The following KCNT1 variants were observed in gnomAD, a reference collection of about 807,000 sequenced individuals.
The protein encoded by KCNT1 is potassium sodium-activated channel subfamily T member 1, also known as potassium channel subfamily T member 1.
KCNT1 carries 78 observed loss-of-function variants against 147.8 expected under a neutral mutation model. The ratio of observed to expected loss-of-function variants is 0.53; its 90% CI spans 0.44 to 0.64. The LOEUF (loss-of-function observed/expected upper bound fraction) is 0.64. Among genes scored for constraint, KCNT1 ranks in the 30% least tolerant of loss-of-function variants. KCNT1 has a pLI of 0.00. For missense variants in KCNT1, 1,419 were observed against 1,750.3 expected, an observed-to-expected ratio of 0.81 and a Z score of 3.38; for synonymous variants, 867 against 748.8, an observed-to-expected ratio of 1.16 and a Z score of -2.58.
intron 1 of KCNT1, among the ~76,000 whole-genome samples, chr9:135,705,499 G>A (rs1835215443): frequency 6.6e-6 from 1 of 152,226 alleles, no homozygotes; most frequent in African/African-American, 2.4e-5. Context: ...GGATGTGTGG[G>A]GCCCGCCAGC....
chr9:135,740,115 G>A (rs979510290), intron 2 of KCNT1, among the ~76,000 whole-genome samples: 3 of 152,124 alleles, frequency 2.0e-5, no homozygotes, highest in African/African-American at 7.2e-5. Context: ...CCAGTTTTGT[G>A]GGATTAGGGC....
chr9:135,776,441 A>T (rs961030640), intron 20 of KCNT1, among the ~76,000 whole-genome samples: 5 of 151,548 alleles, frequency 3.3e-5, no homozygotes, highest in East Asian at 1.9e-4. Flanking sequence ...TTATTTATTT[A>T]TTTTTTGTAG....
At chr9:135,708,511 G>GAGAAACCTCATTCCCTT (rs1368679752) in intron 1 of KCNT1, among the ~76,000 whole-genome samples, 2 of 152,212 alleles carry the variant, frequency 1.3e-5, no homozygotes, top group Non-Finnish European at 2.9e-5. Flanking sequence ...TATTTTAGGA[G>GAGAAACCTCATTCCCTT]AGAAACCTCA....
At chr9:135,754,308 C>G (rs899972705) in intron 5 of KCNT1, among the ~76,000 whole-genome samples, 2 of 152,148 alleles carry the variant, frequency 1.3e-5, no homozygotes, top group Non-Finnish European at 2.9e-5. Flanking sequence ...CTGGGAATGT[C>G]CCCTTCAAGA....
At chr9:135,764,293 AAAAAAT>A (rs59950145) in intron 11 of KCNT1, among the ~76,000 whole-genome samples, 24,448 of 151,942 alleles carry the variant, frequency 0.16, 2,283 homozygotes, top group Middle Eastern at 0.21. Flanking sequence ...CCATCTCTAC[AAAAAAT>A]AAAAATAAAA....
rs372775166 is a variant in KCNT1, at chr9:135,784,593, C to A, written c.3002C>A (p.Thr1001Lys). The A allele has an allele frequency of 6.2e-7, 1 of 1,606,822 alleles. No individual in the cohort carries two copies. The highest frequency in any genetic ancestry group is 1.4e-5 in the African/African-American group (1 of 74,036). ...CGGCTGCTGCTGGGCCTGGACACCA[C>A]GCCGGGCTCGGGGTACCTCTGTGCC... is the stretch of plus-strand genomic sequence containing the variant. ...ITRLLLGLDTTPGSGYLCAMK... is the reference protein window; with the variant it reads ...ITRLLLGLDTKPGSGYLCAMK... Residue 1001 changes from threonine to lysine, a missense_variant, in exon 26 of 31, where the codon ACG becomes AAG. Physicochemically the swap from Thr to Lys is moderately conservative, Grantham distance 78 (BLOSUM62 -1). Transcript: ENST00000371757.
At chr9:135,768,244 GGGGGGGGGGGGGGCACTGGGATACC>G (rs1832434294) in intron 13 of KCNT1, among the ~76,000 whole-genome samples, 1 of 38,614 alleles carries the variant, frequency 2.6e-5, no homozygotes, top group African/African-American at 7.1e-5. Flanking sequence ...TGCCTGCGGG[GGGGGGGGGGGGGGCACTGGGATACC>G]GGTGGGGGGG....
At chr9:135,757,025 C>T (rs1831537214) in intron 7 of KCNT1, 93 bp downstream of exon 7, 2 of 1,065,508 alleles carry the variant, frequency 1.9e-6, no homozygotes, top group Non-Finnish European at 2.7e-6. Flanking sequence ...CTCCTATTTC[C>T]CCACACTTCC....
intron 2 of KCNT1, among the ~76,000 whole-genome samples, chr9:135,748,761 C>T (rs757693707): frequency 3.9e-5 from 6 of 152,222 alleles, no homozygotes; most frequent in South Asian, 2.1e-4. Flanking sequence ...GTGGCCCTCG[C>T]GCTGCACTGG....
chr9:135,718,583 G>T (rs1255180639), intron 2 of KCNT1, among the ~76,000 whole-genome samples: 2 of 152,190 alleles, frequency 1.3e-5, no homozygotes, highest in Non-Finnish European at 1.5e-5. Flanking sequence ...GTCTCTCTCT[G>T]CACCAGGGGA....
intron 2 of KCNT1, among the ~76,000 whole-genome samples, chr9:135,741,926 C>A (rs1476617850): frequency 2.6e-5 from 4 of 152,180 alleles, no homozygotes; most frequent in Admixed American, 2.6e-4. Context: ...GCACTCCCAC[C>A]CTGCCCAGCC....
intron 6 of KCNT1, 42 bp downstream of exon 6, chr9:135,755,211 T>C (rs1831405307): frequency 1.9e-6 from 3 of 1,572,762 alleles, no homozygotes; most frequent in Non-Finnish European, 1.7e-6. Context: ...GCAGTGGTGC[T>C]CAGTAAGCAC....
At position 135,768,896 on chromosome 9, in the gene KCNT1, A is replaced by G. The variant is rs750267867; in HGVS notation, c.1469A>G (p.Gln490Arg). 6.2e-7 allele frequency: 1 copy of G among 1,613,600 alleles called. No homozygotes were observed. The highest frequency in any genetic ancestry group is 8.5e-7 in the Non-Finnish European group (1 of 1,179,908). Reference sequence around the variant, plus strand: ...GCCCCCAACTGCCCCCTCTACGTCCAGATCCTCAAACCTGAAAACAAGTTT... The same window carrying G: ...GCCCCCAACTGCCCCCTCTACGTCCGGATCCTCAAACCTGAAAACAAGTTT... ...DFAPNCPLYV[Q>R]ILKPENKFHV... The change falls in exon 15 of 31, where the codon CAG becomes CGG. Residue 490 changes from glutamine (Q) to arginine (R), a missense_variant. Around this residue, in one of 5 missense-constraint regions of KCNT1, gnomAD observed 401 missense variants for 610.6 expected, o/e 0.66. Coordinates refer to ENST00000371757, the MANE Select transcript of KCNT1 (RefSeq NM_020822.3).
At chr9:135,757,877 T>G (rs1270563480) in intron 9 of KCNT1, among the ~76,000 whole-genome samples, 1 of 152,194 alleles carries the variant, frequency 6.6e-6, no homozygotes, top group Non-Finnish European at 1.5e-5. Flanking sequence ...CCAGACCCCT[T>G]GACTCACAGC....
Position 135,714,730 on chromosome 9 carries a change from G to C in KCNT1, c.254+10G>C, listed in dbSNP as rs772892562. On this transcript the variant is annotated intron_variant, in intron 2 of 30. Transcript: ENST00000371757. The surrounding 1 kb of genome is among the most constrained non-coding windows in gnomAD (Gnocchi z 6.2). ...TCCAGAACGACGACAGGTAGGGACC[G>C]GGCGCGGGGTGGGGGCTGGGGTCGC... 7 of 1,363,128 alleles carry C rather than the reference G, an allele frequency of 5.1e-6. No individual in the cohort carries two copies. Among genetic ancestry groups the C allele is most frequent in the Non-Finnish European group, 6.7e-6 (7 of 1,045,712 alleles). 84.4% of individuals were successfully genotyped at this position (1,363,128 alleles called of 1,614,324 possible).
rs1834698244 is a variant in KCNT1, at chr9:135,793,699, T to G, written c.*1538T>G. 6.6e-6 allele frequency: 1 copy of G among 152,214 alleles called. No homozygotes were observed. The highest frequency in any genetic ancestry group is 2.4e-5 in the African/African-American group (1 of 41,416). 9.4% of individuals were successfully genotyped at this position (152,214 alleles called of 1,614,324 possible). On this transcript the variant is annotated 3_prime_UTR_variant, in exon 31 of 31. Coordinates refer to ENST00000371757, the MANE Select transcript of KCNT1 (RefSeq NM_020822.3). Reference sequence around the variant, plus strand: ...GGCCCTGGCCACACAGACTAGCTAGTCCCTTACTCCCGGCCTGTCTGGAAC... The same window carrying G: ...GGCCCTGGCCACACAGACTAGCTAGGCCCTTACTCCCGGCCTGTCTGGAAC...
At chr9:135,747,714 G>T (rs1830912904) in intron 2 of KCNT1, among the ~76,000 whole-genome samples, 1 of 152,154 alleles carries the variant, frequency 6.6e-6, no homozygotes, top group South Asian at 2.1e-4. Context: ...TGCAGGGCAT[G>T]ATGGGGCACT....
rs1832162751 is a variant in KCNT1, at chr9:135,765,060, G to A, written c.1065G>A (p.Glu355=). The A allele has an allele frequency of 1.2e-6, 2 of 1,612,982 alleles. No homozygotes were observed. Among genetic ancestry groups the A allele is most frequent in the Non-Finnish European group, 1.7e-6 (2 of 1,179,686 alleles). The change falls in exon 12 of 31, where the codon GAG becomes GAA. Residue 355 remains glutamate (E), a synonymous_variant. Coordinates refer to ENST00000371757, the MANE Select transcript of KCNT1 (RefSeq NM_020822.3). ...QFEELVYLWM[E]RQKSGGNYSR... ...AGGAGCTCGTCTACCTCTGGATGGA[G>A]CGGCAGAAGTCAGGGGGCAACTACA...
chr9:135,777,685 C>CCTCCTGCTCCCAG (rs1833269808), intron 21 of KCNT1, among the ~76,000 whole-genome samples, 175 bp downstream of exon 21: 2 of 151,688 alleles, frequency 1.3e-5, no homozygotes, highest in South Asian at 4.2e-4. Flanking sequence ...GCTCCCAACT[C>CCTCCTGCTCCCAG]CTCCTGCTCC....
Sources: allele counts gnomAD v4.1 joint callset (sites outside exome capture counted in the v4.1 genomes callset), GRCh38; gene constraint gnomAD v4.1.1; regional missense constraint gnomAD v4.1.1; non-coding constraint Gnocchi (gnomAD v3.1); transcripts MANE v1.5; gene names NCBI Gene and HGNC (gene_info 2026-07-23, HGNC 2026-07-21).